Variants in SORCS3 observed in about 807,000 individuals in gnomAD.
SORCS3 encodes the protein VPS10 domain-containing receptor SorCS3.
Under a neutral mutation model 146.3 loss-of-function variants are expected in SORCS3, and 57 were observed. The observed-to-expected ratio is 0.39, with a 90% confidence interval of 0.31 to 0.49. SORCS3 has a LOEUF of 0.49. Among genes scored for constraint, SORCS3 ranks in the 20% least tolerant of loss-of-function variants. The probability of loss-of-function intolerance (pLI) is 0.92; values close to 1 mark genes in which losing one functional copy is unlikely to be tolerated. For synonymous variants in SORCS3, 653 were observed against 618.5 expected, an observed-to-expected ratio of 1.06 and a Z score of -0.83; for missense variants, 1,341 against 1,575.5, an observed-to-expected ratio of 0.85 and a Z score of 2.52.
chr10:104,982,620 A>G (rs1006498174), intron 4 of SORCS3, among the ~76,000 whole-genome samples: 1 of 152,202 alleles, frequency 6.6e-6, no homozygotes, highest in African/African-American at 2.4e-5. Context: ...AAAATGATTT[A>G]TATATAATTT....
At chr10:104,838,738 A>G (rs948952903) in intron 1 of SORCS3, among the ~76,000 whole-genome samples, 8 of 152,182 alleles carry the variant, frequency 5.3e-5, no homozygotes, top group African/African-American at 1.4e-4. Context: ...ACTGTAGCAT[A>G]GAGGTGGGAA....
chr10:105,208,616 A>C (rs2056616161), intron 16 of SORCS3, among the ~76,000 whole-genome samples: 1 of 149,578 alleles, frequency 6.7e-6, no homozygotes, highest in Admixed American at 6.7e-5. Context: ...TGGACAATAG[A>C]ATGATAGAAT....
intron 7 of SORCS3, among the ~76,000 whole-genome samples, chr10:105,135,208 G>T (rs889335497): frequency 6.6e-6 from 1 of 152,150 alleles, no homozygotes; most frequent in Non-Finnish European, 1.5e-5. Context: ...TTTTGGGTAG[G>T]TATAGCACAT....
chr10:105,002,291 C>T (rs975514536), intron 4 of SORCS3, among the ~76,000 whole-genome samples: 1 of 152,188 alleles, frequency 6.6e-6, no homozygotes, highest in Non-Finnish European at 1.5e-5. Flanking sequence ...CTCAACCTAG[C>T]TGGAGGTGAC....
intron 1 of SORCS3, among the ~76,000 whole-genome samples, chr10:104,653,701 A>C (rs1374235362): frequency 6.6e-6 from 1 of 152,248 alleles, no homozygotes; most frequent in Non-Finnish European, 1.5e-5. Flanking sequence ...GTATATATTT[A>C]TGCGATACGT....
At chr10:104,996,537 A>G (rs1401439834) in intron 4 of SORCS3, among the ~76,000 whole-genome samples, 2 of 151,998 alleles carry the variant, frequency 1.3e-5, no homozygotes, top group Non-Finnish European at 2.9e-5. Context: ...CAGTAAGAAC[A>G]TAAAAGAATT....
At chr10:105,070,860 A>G (rs2055552244) in intron 5 of SORCS3, among the ~76,000 whole-genome samples, 1 of 152,232 alleles carries the variant, frequency 6.6e-6, no homozygotes, top group Non-Finnish European at 1.5e-5. Context: ...GAACAAATTG[A>G]AACTTCCTTC....
intron 1 of SORCS3, among the ~76,000 whole-genome samples, chr10:104,814,955 A>G (rs1055315875): frequency 1.3e-5 from 2 of 152,094 alleles, no homozygotes; most frequent in Non-Finnish European, 2.9e-5. Flanking sequence ...ACTGAGCCCC[A>G]GTGTGTGAAT....
intron 1 of SORCS3, among the ~76,000 whole-genome samples, chr10:104,713,387 G>A (rs1732575842): frequency 6.6e-6 from 1 of 152,076 alleles, no homozygotes; most frequent in Admixed American, 6.5e-5. Context: ...TCTGTGGGAT[G>A]TTTTTCTTTT....
intron 3 of SORCS3, among the ~76,000 whole-genome samples, chr10:104,917,242 A>T (rs1174127514): frequency 2.6e-5 from 4 of 152,148 alleles, no homozygotes; most frequent in Non-Finnish European, 5.9e-5. Context: ...CTTTGTCCCA[A>T]AGCATTGCCA....
chr10:105,167,415 G>T, intron 13 of SORCS3, 66 bp downstream of exon 13: 1 of 1,151,786 alleles, frequency 8.7e-7, no homozygotes, highest in Non-Finnish European at 1.3e-6. Flanking sequence ...GGATTGTGAT[G>T]AGTTATTCTG....
At chr10:105,230,101 T>C (rs1373514760) in intron 20 of SORCS3, among the ~76,000 whole-genome samples, 1 of 151,898 alleles carries the variant, frequency 6.6e-6, no homozygotes, top group African/African-American at 2.4e-5. Context: ...GGCAGGGTGG[T>C]GTGCCCAACC....
chr10:105,039,451 CTTTT>C (rs920662213), intron 4 of SORCS3, among the ~76,000 whole-genome samples: 9 of 96,548 alleles, frequency 9.3e-5, no homozygotes, highest in Admixed American at 5.7e-4. Context: ...CTCTCGCTCT[CTTTT>C]TTTTTTTTTT....
chr10:104,717,917 G>T (rs2016498405), intron 1 of SORCS3, among the ~76,000 whole-genome samples: 1 of 151,936 alleles, frequency 6.6e-6, no homozygotes, highest in African/African-American at 2.4e-5. Context: ...GAGGCAGGTG[G>T]ATCATCTCAG....
chr10:104,944,548 G>C (rs891056036), intron 3 of SORCS3, among the ~76,000 whole-genome samples: 1 of 152,072 alleles, frequency 6.6e-6, no homozygotes, highest in Non-Finnish European at 1.5e-5. Context: ...ATGGGCAGAA[G>C]ACTTAACAGA....
At chr10:105,142,644 T>A (rs1050863978) in intron 8 of SORCS3, among the ~76,000 whole-genome samples, 2 of 152,198 alleles carry the variant, frequency 1.3e-5, no homozygotes, top group African/African-American at 4.8e-5. Flanking sequence ...GAAAATTTCC[T>A]GTTCAATTGC....
intron 16 of SORCS3, among the ~76,000 whole-genome samples, chr10:105,204,104 C>T (rs921559660): frequency 6.6e-6 from 1 of 152,050 alleles, no homozygotes; most frequent in Non-Finnish European, 1.5e-5. Flanking sequence ...TTTACACGGC[C>T]TTCTGTGGTT....
chr10:104,744,939 T>C (rs1453406470), intron 1 of SORCS3, among the ~76,000 whole-genome samples: 1 of 152,254 alleles, frequency 6.6e-6, no homozygotes, highest in Non-Finnish European at 1.5e-5. Context: ...GCAATTGATA[T>C]ATGCATAAGA....
chr10:104,967,813 C>A (rs1262375212), intron 3 of SORCS3, among the ~76,000 whole-genome samples: 2 of 151,836 alleles, frequency 1.3e-5, no homozygotes, highest in African/African-American at 4.8e-5. Context: ...TGCACGCCAC[C>A]ACACCAGACT....
Sources: allele counts gnomAD v4.1 joint callset (sites outside exome capture counted in the v4.1 genomes callset), GRCh38; gene constraint gnomAD v4.1.1; transcripts MANE v1.5; gene names NCBI Gene and HGNC (gene_info 2026-07-23, HGNC 2026-07-21).